Variants in PLD1 observed in about 807,000 individuals in gnomAD.
PLD1 encodes the protein choline phosphatase 1.
PLD1 carries 112 observed loss-of-function variants against 137.1 expected under a neutral mutation model. The observed-to-expected ratio is 0.82, with a 90% confidence interval of 0.70 to 0.96. The LOEUF is 0.96. Ranked by LOEUF, PLD1 falls within the 40% of genes least tolerant of loss-of-function variation. The pLI, the probability that PLD1 is intolerant of heterozygous loss-of-function variation, is 0.00. For missense variants in PLD1, 1,321 were observed against 1,342.0 expected (o/e 0.98, Z 0.24); for synonymous variants, 431 against 454.7 (o/e 0.95, Z 0.66).
In PLD1 at chr3:171,620,497, T is replaced by C. The variant is rs1733499079; in HGVS notation, c.2617A>G (p.Ile873Val). The C allele has an allele frequency of 1.3e-6, 2 of 1,591,342 alleles. No individual in the cohort carries two copies. The highest frequency in any genetic ancestry group is 2.2e-5 in the East Asian group (1 of 44,562). The stretch of plus-strand genomic sequence containing the variant: ...TGTGTTCTAAGACCACAGAATGATA[T>C]GTAATTTATCCACTGATTACCAACT... ...AELGNQWINY[I>V]SFCGLRTHAE... is the part of the protein sequence containing the mutation. The change falls in exon 24 of 27, where the codon ATA (isoleucine) becomes GTA (valine). Residue 873 changes from isoleucine (I) to valine (V), a missense_variant. Ile to Val is a conservative substitution (Grantham distance 29). Coordinates refer to ENST00000351298, the MANE Select transcript of PLD1 (RefSeq NM_002662.5).
At chr3:171,765,086 G>C (rs1721888214) in intron 1 of PLD1, 1 of 152,130 alleles carries the variant, frequency 6.6e-6, no homozygotes, top group African/African-American at 2.4e-5. Context: ...TGGGTACAAA[G>C]TCTCCTTTTG....
At chr3:171,659,148 C>A (rs1434378459) in intron 21 of PLD1, 65 bp downstream of exon 21, 2 of 1,137,454 alleles carry the variant, frequency 1.8e-6, no homozygotes, top group African/African-American at 3.1e-5. Flanking sequence ...ATGGGCTTTG[C>A]AAAGTCATTT....
intron 8 of PLD1, among the ~76,000 whole-genome samples, chr3:171,716,324 A>G (rs998069954): frequency 6.6e-6 from 1 of 152,248 alleles, no homozygotes; most frequent in Non-Finnish European, 1.5e-5. Context: ...ACTGCTTTCC[A>G]CAATGGCTGA....
chr3:171,732,290 T>A (rs1298754756), intron 6 of PLD1, among the ~76,000 whole-genome samples: 1 of 152,190 alleles, frequency 6.6e-6, no homozygotes, highest in Non-Finnish European at 1.5e-5. Flanking sequence ...ATCCTTCTCT[T>A]GAGATCCTCT....
intron 1 of PLD1, chr3:171,793,352 AAAATT>A (rs1383470301): frequency 1.3e-5 from 2 of 152,202 alleles, no homozygotes; most frequent in South Asian, 2.1e-4. Context: ...GAAGTTACTA[AAAATT>A]AAATTATATA....
intron 17 of PLD1, 47 bp downstream of exon 17, chr3:171,677,519 A>C: frequency 6.3e-7 from 1 of 1,576,868 alleles, no homozygotes; most frequent in Non-Finnish European, 8.7e-7. Flanking sequence ...AGATGTTCAA[A>C]GGTAAAAGAC....
intron 14 of PLD1, 73 bp downstream of exon 14, chr3:171,688,603 G>C (rs1714803909): frequency 8.9e-7 from 1 of 1,125,248 alleles, no homozygotes; most frequent in Non-Finnish European, 1.4e-6. Context: ...GAATCAATCA[G>C]TCATGCTACT....
rs370464837 is a variant in PLD1 at position 171,764,924 on chromosome 3, G to GAAAGAAA, written c.-31-26843_-31-26842insTTTCTTT. ...GGAAGGAAGGAAGGAAAGAAAGAAA[G>GAAAGAAA]GAAAGAAAGGAAAGAAAGAAAGAAA... On this transcript the variant is annotated intron_variant, in intron 1 of 26. Coordinates refer to ENST00000351298, the MANE Select transcript of PLD1 (RefSeq NM_002662.5). Among the ~76,000 whole-genome samples the GAAAGAAA allele has an allele frequency of 2.0e-4, 4 of 20,422 alleles. 1 individual carries two copies. The highest frequency in any genetic ancestry group is 6.4e-4 in the African/African-American group (4 of 6,260). 13.4% of individuals were successfully genotyped at this position (20,422 alleles called of 152,430 possible).
chr3:171,654,309 A>C (rs1183293666), intron 21 of PLD1: 2 of 314,890 alleles, frequency 6.4e-6, no homozygotes, highest in African/African-American at 2.3e-5. Flanking sequence ...TCAAAAAAAA[A>C]AAAAAAAAAA....
chr3:171,704,457 G>GAAAAAA (rs1362665761), intron 11 of PLD1, among the ~76,000 whole-genome samples: 24 of 98,158 alleles, frequency 2.4e-4, no homozygotes, highest in African/African-American at 9.7e-4. Flanking sequence ...CAAAGAACCA[G>GAAAAAA]GAAAAAAAAA....
chr3:171,647,432 T>C (rs561770333), intron 21 of PLD1, among the ~76,000 whole-genome samples: 1 of 152,248 alleles, frequency 6.6e-6, no homozygotes, highest in African/African-American at 2.4e-5. Flanking sequence ...ACATGTAATA[T>C]AAAATTTGCC....
chr3:171,742,969 G>A (rs1719888892), intron 1 of PLD1, among the ~76,000 whole-genome samples: 1 of 152,010 alleles, frequency 6.6e-6, no homozygotes, highest in Non-Finnish European at 1.5e-5. Context: ...CATTGCTTCT[G>A]CAAATATTAA....
At chr3:171,696,151 T>C (rs1032920435) in intron 12 of PLD1, among the ~76,000 whole-genome samples, 1 of 152,166 alleles carries the variant, frequency 6.6e-6, no homozygotes, top group Non-Finnish European at 1.5e-5. Context: ...ATTCTCCCAT[T>C]AGTCTAAGTT....
chr3:171,676,474 C>CCA (rs1713360695), intron 18 of PLD1, among the ~76,000 whole-genome samples: 1 of 152,204 alleles, frequency 6.6e-6, no homozygotes, highest in Admixed American at 6.5e-5. Context: ...AAATCAGGAC[C>CCA]CACACAGCAG....
chr3:171,706,952 G>A (rs1453557255), intron 11 of PLD1, among the ~76,000 whole-genome samples: 2 of 152,180 alleles, frequency 1.3e-5, no homozygotes, highest in Non-Finnish European at 1.5e-5. Flanking sequence ...TGAAGAAAAT[G>A]TGGTACATAT....
intron 1 of PLD1, among the ~76,000 whole-genome samples, chr3:171,786,587 A>G (rs909031406): frequency 1.3e-5 from 2 of 152,176 alleles, no homozygotes; most frequent in African/African-American, 4.8e-5. Flanking sequence ...TTTTTATCAT[A>G]ATTGAATACT....
intron 19 of PLD1, among the ~76,000 whole-genome samples, chr3:171,666,836 T>C (rs1420617584): frequency 6.6e-6 from 1 of 152,238 alleles, no homozygotes; most frequent in Non-Finnish European, 1.5e-5. Context: ...TTTCTGATTT[T>C]ATGGTTTAAC....
Position 171,699,814 on chromosome 3 carries a change from T to A in PLD1, c.1158A>T (p.Glu386Asp), listed in dbSNP as rs781504193. The A allele has an allele frequency of 6.2e-7, 1 of 1,613,666 alleles. No individual in the cohort carries two copies. Among genetic ancestry groups the A allele is most frequent in the South Asian group, 1.1e-5 (1 of 91,048 alleles). ...IFITDWWLSP[E>D]IFLKRPVVEG... is the part of the protein sequence containing the mutation. ...CAACCACTGGGCGTTTCAGGAAGATTTCTGGACTCAGCCTGAAACAATGAA... is the reference window on the plus strand; with the variant it reads ...CAACCACTGGGCGTTTCAGGAAGATATCTGGACTCAGCCTGAAACAATGAA... The change falls in exon 12 of 27, where the codon GAA becomes GAT. Residue 386 changes from glutamate (E) to aspartate (D), a missense_variant. Coordinates refer to ENST00000351298, the MANE Select transcript of PLD1 (RefSeq NM_002662.5).
Position 171,703,500 on chromosome 3 carries a change from G to C in PLD1, c.1146-3674C>G, listed in dbSNP as rs374080036. ...AATTTAGCAAGGTCACAAGCTATAA[G>C]GTAAATACACAAAAATCAATTGCAT... On this transcript the variant is annotated intron_variant, in intron 11 of 26. Transcript: ENST00000351298. Among the ~76,000 whole-genome samples the C allele has an allele frequency of 2.6e-5, 4 of 152,064 alleles. No homozygotes were observed. The South Asian group carries it at 8.3e-4, about 32-fold the overall frequency.
Sources: gnomAD v4.1 joint callset for allele counts (sites outside exome capture counted in the v4.1 genomes callset) on GRCh38, gnomAD v4.1.1 for gene constraint, MANE v1.5 for transcripts, NCBI Gene and HGNC (gene_info 2026-07-23, HGNC 2026-07-21) for gene names.